Variants in IQCM observed in about 807,000 individuals in gnomAD.
IQCM encodes IQ domain-containing protein M.
A neutral mutation model predicts 57.6 loss-of-function variants in IQCM; 45 were observed. The ratio of observed to expected loss-of-function variants is 0.78; its 90% CI spans 0.62 to 1.00. The LOEUF (loss-of-function observed/expected upper bound fraction) is 1.00, where lower values mean the gene tolerates loss of function less well. Ranked by LOEUF, IQCM falls within the 50% of genes least tolerant of loss-of-function variation. IQCM has a pLI of 0.00. For synonymous variants in IQCM, 148 were observed against 158.9 expected, an observed-to-expected ratio of 0.93 and a Z score of 0.51; for missense variants, 468 against 511.6, an observed-to-expected ratio of 0.91 and a Z score of 0.82.
chr4:149,745,200 G>A (rs60322508), intron 2 of IQCM, among the ~76,000 whole-genome samples: 15,374 of 152,160 alleles, frequency 0.1, 1,303 homozygotes, highest in African/African-American at 0.23. Flanking sequence ...GAGAATACTC[G>A]TAGTCTGGGG....
At chr4:149,551,890 TCTC>T (rs2149904401) in intron 11 of IQCM, among the ~76,000 whole-genome samples, 4 of 145,128 alleles carry the variant, frequency 2.8e-5, no homozygotes, top group African/African-American at 1.0e-4. Flanking sequence ...TCTCTCTCTC[TCTC>T]TTCTCGTTTT....
At chr4:149,548,618 A>AT (rs953328602) in intron 11 of IQCM, 29 bp from the exon 12 acceptor site, 7 of 1,131,136 alleles carry the variant, frequency 6.2e-6, no homozygotes, top group Non-Finnish European at 7.8e-6. Context: ...AAAAGAAAAT[A>AT]TTTTTTTAAA....
chr4:149,415,649 A>G (rs1733695665), intron 13 of IQCM, among the ~76,000 whole-genome samples: 1 of 152,106 alleles, frequency 6.6e-6, no homozygotes, highest in African/African-American at 2.4e-5. Flanking sequence ...ATTGCAACCA[A>G]AATTGGAAAA....
At chr4:149,651,922 A>G (rs1208423021) in intron 7 of IQCM, among the ~76,000 whole-genome samples, 1 of 152,148 alleles carries the variant, frequency 6.6e-6, no homozygotes, top group Non-Finnish European at 1.5e-5. Flanking sequence ...AAAAAGAAAT[A>G]CCATTTGACC....
intron 13 of IQCM, among the ~76,000 whole-genome samples, chr4:149,382,085 T>C (rs541243111): frequency 6.6e-6 from 1 of 152,220 alleles, no homozygotes; most frequent in South Asian, 2.1e-4. Context: ...TTTCGAAGCA[T>C]GCATTTTCTT....
chr4:149,773,964 T>G (rs1466713731), intron 2 of IQCM, among the ~76,000 whole-genome samples: 1 of 152,222 alleles, frequency 6.6e-6, no homozygotes, highest in Non-Finnish European at 1.5e-5. Flanking sequence ...AATATGGTAA[T>G]GCTGAGCTCA....
chr4:149,782,281 A>T (rs76387641), intron 2 of IQCM, among the ~76,000 whole-genome samples: 3,397 of 152,326 alleles, frequency 0.022, 65 homozygotes, highest in South Asian at 0.036. Flanking sequence ...ACAGATGAAG[A>T]ACTCAGTTAT....
chr4:149,388,133 A>AT (rs201885857), intron 13 of IQCM, among the ~76,000 whole-genome samples: 1,648 of 152,060 alleles, frequency 0.011, 18 homozygotes, highest in African/African-American at 0.034. Flanking sequence ...TATGGATAAT[A>AT]TTGCTATGAA....
At chr4:149,447,137 A>G (rs149174707) in intron 12 of IQCM, among the ~76,000 whole-genome samples, 34 of 151,666 alleles carry the variant, frequency 2.2e-4, no homozygotes, top group African/African-American at 7.9e-4. Flanking sequence ...ATATGAGAGA[A>G]AATAATATAG....
intron 12 of IQCM, among the ~76,000 whole-genome samples, chr4:149,439,229 A>G (rs573181184): frequency 9.9e-5 from 15 of 152,218 alleles, no homozygotes; most frequent in Middle Eastern, 3.4e-3. Flanking sequence ...AACTACAGTT[A>G]GTTCAAAAGG....
At chr4:149,541,406 T>A (rs1336766819) in intron 12 of IQCM, among the ~76,000 whole-genome samples, 1 of 152,154 alleles carries the variant, frequency 6.6e-6, no homozygotes, top group African/African-American at 2.4e-5. Flanking sequence ...TTGTTGAGTT[T>A]TTTTGATTAT....
chr4:149,451,273 C>A (rs1737091600), intron 12 of IQCM, among the ~76,000 whole-genome samples: 1 of 151,708 alleles, frequency 6.6e-6, no homozygotes, highest in Admixed American at 6.6e-5. Flanking sequence ...TATTTGACAG[C>A]ACAACAGGGT....
intron 12 of IQCM, among the ~76,000 whole-genome samples, chr4:149,494,451 T>A (rs899638594): frequency 3.3e-5 from 5 of 152,106 alleles, no homozygotes; most frequent in Non-Finnish European, 7.4e-5. Context: ...GTACTTTTAA[T>A]GCCAAAAAAT....
chr4:149,726,144 G>GAAAAGA (rs1294656595), intron 5 of IQCM, among the ~76,000 whole-genome samples: 1 of 127,666 alleles, frequency 7.8e-6, no homozygotes, highest in African/African-American at 3.3e-5. Flanking sequence ...AGAAAGAAAA[G>GAAAAGA]AAAGAAAGAA....
chr4:149,455,034 C>CAAT (rs2149700601), intron 12 of IQCM, among the ~76,000 whole-genome samples: 1 of 152,138 alleles, frequency 6.6e-6, no homozygotes, highest in East Asian at 1.9e-4. Flanking sequence ...ATTCGACTTA[C>CAAT]AATTTTTCAA....
intron 12 of IQCM, among the ~76,000 whole-genome samples, chr4:149,442,330 A>T (rs1736022770): frequency 6.6e-6 from 1 of 152,108 alleles, no homozygotes; most frequent in South Asian, 2.1e-4. Context: ...TTTCCAAATC[A>T]TCTAGTCCTG....
At chr4:149,696,265 T>G (rs1329629223) in intron 5 of IQCM, among the ~76,000 whole-genome samples, 1 of 152,158 alleles carries the variant, frequency 6.6e-6, no homozygotes, top group African/African-American at 2.4e-5. Flanking sequence ...GAACCTTTAC[T>G]GCAGCATTCA....
At chr4:149,591,874 C>T (rs1011960785) in intron 8 of IQCM, among the ~76,000 whole-genome samples, 33 of 152,128 alleles carry the variant, frequency 2.2e-4, no homozygotes, top group African/African-American at 7.5e-4. Flanking sequence ...TGGGTTGGTT[C>T]CAAGTCTTTG....
At chr4:149,503,350 T>G (rs1288634091) in intron 12 of IQCM, among the ~76,000 whole-genome samples, 1 of 152,090 alleles carries the variant, frequency 6.6e-6, no homozygotes, top group Non-Finnish European at 1.5e-5. Flanking sequence ...GTGCAGAAAA[T>G]AACACACGGC....
Sources: allele counts gnomAD v4.1 joint callset (sites outside exome capture counted in the v4.1 genomes callset), GRCh38; gene constraint gnomAD v4.1.1; transcripts MANE v1.5; gene names NCBI Gene and HGNC (gene_info 2026-07-23, HGNC 2026-07-21).